A2M: variants seen among roughly 807,000 people sequenced by gnomAD.
A2M encodes alpha-2-macroglobulin, also known as C3 and PZP-like alpha-2-macroglobulin domain-containing protein 5.
A neutral mutation model predicts 183.9 loss-of-function variants in A2M; 128 were observed. That is an observed-to-expected ratio of 0.70 (90% CI 0.60 to 0.81). A2M has a LOEUF of 0.81. A2M is among the 30% of genes least tolerant of loss of function. The probability of loss-of-function intolerance (pLI) is 0.00; values close to 1 mark genes in which losing one functional copy is unlikely to be tolerated. For missense variants in A2M, 1,495 were observed against 1,787.6 expected (o/e 0.84, Z 2.95); for synonymous variants, 592 against 670.8 (o/e 0.88, Z 1.81).
rs59647548 is a variant in A2M at position 9,094,340 on chromosome 12, CATATATATATATATATAT to C, written c.2125+615_2125+632del. 9.5e-4 allele frequency among the ~76,000 whole-genome samples: 92 copies of C among 97,030 alleles called. 2 individuals carry two copies. The highest frequency in any genetic ancestry group is 0.012 in the Middle Eastern group (2 of 166). The allele number at this position is 97,030 out of a possible 152,430, so 63.7% of individuals were successfully genotyped here. On this transcript the variant is annotated intron_variant, in intron 17 of 35. Coordinates refer to ENST00000318602, the MANE Select transcript of A2M (RefSeq NM_000014.6). ...CAGCTCTCTGGAAAAAAAAATTGTGCATATATATATATATATATATATATATATATATATACCTATACA... is the reference window on the plus strand; with the variant it reads ...CAGCTCTCTGGAAAAAAAAATTGTGCATATATATATATATATACCTATACA...
At position 9,072,827 on chromosome 12, in the gene A2M, GGC is replaced by G; in HGVS notation, c.3799_3800del (p.Ala1267HisfsTer86). The G allele has an allele frequency of 6.2e-7, 1 of 1,614,098 alleles. No individual in the cohort carries two copies. The highest frequency in any genetic ancestry group is 8.5e-7 in the Non-Finnish European group (1 of 1,179,974). Reference sequence around the variant, plus strand: ...CAGCCTTCCCAGTCCTGGTAAATGTGGCTGCTCCATATTTGGACAGAGCATGG... The same window carrying G: ...CAGCCTTCCCAGTCCTGGTAAATGTGTGCTCCATATTTGGACAGAGCATGG... ...ALHALSKYGA[A>X]TFTRTGKAAQ... is the part of the protein sequence containing the mutation. On this transcript the variant is annotated frameshift_variant, in exon 30 of 36. Coordinates refer to ENST00000318602, the MANE Select transcript of A2M (RefSeq NM_000014.6). LOFTEE classifies it high-confidence loss of function.
chr12:9,092,321 A>T (rs1451814092), intron 18 of A2M, among the ~76,000 whole-genome samples: 1 of 152,196 alleles, frequency 6.6e-6, no homozygotes, highest in African/African-American at 2.4e-5. Flanking sequence ...CCAGGAGTAG[A>T]TGGAGCTCTG....
intron 17 of A2M, 53 bp downstream of exon 17, chr12:9,094,920 T>C (rs113144850): frequency 9.8e-7 from 1 of 1,017,104 alleles, no homozygotes; most frequent in Non-Finnish European, 1.4e-6. Flanking sequence ...TTTAAAAAAT[T>C]TAAAATTTGG....
Position 9,101,124 on chromosome 12 carries a change from G to C in A2M, c.1558+20C>G, listed in dbSNP as rs74777496. ...TGGGTCAGAATGGGGCAGCAATGCA[G>C]AGATGATGGAAATACTCACTGTCTT... On this transcript the variant is annotated intron_variant, in intron 13 of 35. Coordinates refer to ENST00000318602, the MANE Select transcript of A2M (RefSeq NM_000014.6). 1.1e-4 allele frequency: 174 copies of C among 1,554,572 alleles called. 1 individual carries two copies. The African/African-American group carries it at 2.1e-3, about 19-fold the overall frequency.
chr12:9,104,377 G>T lies in A2M; in HGVS notation c.1128C>A (p.Gly376=). Residue 376 remains glycine (G), a synonymous_variant, in exon 11 of 36, where the codon GGC becomes GGA. Coordinates refer to ENST00000318602, the MANE Select transcript of A2M (RefSeq NM_000014.6). ...ATATGACTTTATTTGGTATAGGGACGCCTTTCCCATCTACTAGGCGCACCT... is the reference window on the plus strand; with the variant it reads ...ATATGACTTTATTTGGTATAGGGACTCCTTTCCCATCTACTAGGCGCACCT... ...FGQVRLVDGK[G]VPIPNKVIFI... 3 of 1,595,328 alleles carry T rather than the reference G, an allele frequency of 1.9e-6. No homozygotes were observed. The highest frequency in any genetic ancestry group is 2.6e-6 in the Non-Finnish European group (3 of 1,169,954).
intron 13 of A2M, among the ~76,000 whole-genome samples, chr12:9,100,901 G>C (rs1303613280): frequency 6.6e-6 from 1 of 152,124 alleles, no homozygotes; most frequent in East Asian, 1.9e-4. Flanking sequence ...GGATTCAGGG[G>C]GAAGGGTGGA....
chr12:9,071,433 T>C (rs11048771), intron 31 of A2M, among the ~76,000 whole-genome samples: 2 of 151,404 alleles, frequency 1.3e-5, no homozygotes, highest in Non-Finnish European at 2.9e-5. Flanking sequence ...ATGAAAAAAA[T>C]ATATATATAT....
At position 9,072,882 on chromosome 12, in the gene A2M, C is replaced by T. The variant is rs1363049860; in HGVS notation, c.3757-11G>A. On this transcript the variant is annotated splice_polypyrimidine_tract_variant and intron_variant, in intron 29 of 35. Coordinates refer to ENST00000318602, the MANE Select transcript of A2M (RefSeq NM_000014.6). Reference sequence around the variant, plus strand: ...AGCCACCACTGTGTCCTGTTAGAGACAGATGAGTGAGAGAACCCATTGGGC... The same window carrying T: ...AGCCACCACTGTGTCCTGTTAGAGATAGATGAGTGAGAGAACCCATTGGGC... 19 of 1,609,232 alleles carry T rather than the reference C, an allele frequency of 1.2e-5. No individual in the cohort carries two copies. The highest frequency in any genetic ancestry group is 1.5e-5 in the Non-Finnish European group (18 of 1,176,500).
chr12:9,110,329 T>C lies in A2M; in HGVS notation c.489A>G (p.Pro163=), dbSNP rs370519915. The change falls in exon 5 of 36, where the codon CCA becomes CCG. Residue 163 remains proline, a synonymous_variant. Transcript: ENST00000318602. The part of the protein sequence containing the change: ...ENFHPLNELI[P]LVYIQDPKGN... ...TGTTGCTTACCTGAATGTATACTAG[T>C]GGAATCTGAAAGACAAAAGAAAAAA... The C allele has an allele frequency of 3.5e-6, 5 of 1,447,314 alleles. No homozygotes were observed. Among genetic ancestry groups the C allele is most frequent in the African/African-American group, 1.4e-5 (1 of 69,726 alleles). The allele number at this position is 1,447,314 out of a possible 1,614,324, so 89.7% of individuals were successfully genotyped here.
chr12:9,106,449 A>G (rs1274386755), intron 9 of A2M, 42 bp downstream of exon 9: 1 of 1,450,108 alleles, frequency 6.9e-7, no homozygotes. Context: ...AAGAAAATCA[A>G]TGCCTGTTGT....
At chr12:9,111,253 A>G (rs1259488185) in intron 4 of A2M, among the ~76,000 whole-genome samples, 1 of 152,210 alleles carries the variant, frequency 6.6e-6, no homozygotes, top group African/African-American at 2.4e-5. Context: ...CAAAAGAACA[A>G]TAAACCATGT....
At chr12:9,105,557 G>T (rs1565600619) in intron 10 of A2M, among the ~76,000 whole-genome samples, 2 of 152,154 alleles carry the variant, frequency 1.3e-5, no homozygotes, top group Admixed American at 1.3e-4. Flanking sequence ...TGAGGCACAT[G>T]TAACTGTGAT....
chr12:9,095,483 A>C, intron 16 of A2M, 56 bp downstream of exon 16: 1 of 1,518,340 alleles, frequency 6.6e-7, no homozygotes, highest in South Asian at 1.2e-5. Context: ...ACTCTTTTCC[A>C]TGTGTAATAT....
At chr12:9,094,913 A>T (rs1270812361) in intron 17 of A2M, 60 bp downstream of exon 17, 2 of 942,824 alleles carry the variant, frequency 2.1e-6, no homozygotes, top group African/African-American at 1.7e-5. Context: ...TGTATCTTTT[A>T]AAAAATTTAA....
At chr12:9,102,573 A>C (rs1306638276) in intron 11 of A2M, among the ~76,000 whole-genome samples, 2 of 152,090 alleles carry the variant, frequency 1.3e-5, no homozygotes, top group Non-Finnish European at 2.9e-5. Flanking sequence ...CAGAGGCCCT[A>C]TTTGGGTTAT....
Position 9,106,231 on chromosome 12 carries a change from T to G in A2M, c.1104+5A>C, listed in dbSNP as rs1938270664. The G allele has an allele frequency of 6.3e-7, 1 of 1,580,424 alleles. No homozygotes were observed. Among genetic ancestry groups the G allele is most frequent in the Non-Finnish European group, 8.7e-7 (1 of 1,149,548 alleles). On this transcript the variant is annotated splice_donor_5th_base_variant and intron_variant, in intron 10 of 35. Coordinates refer to ENST00000318602, the MANE Select transcript of A2M (RefSeq NM_000014.6). ...GGTTGATGAGTGAACTGGAAAATAC[T>G]CCACCTGCCCAAAGAAGGGAATTCC...
At position 9,091,400 on chromosome 12, in the gene A2M, G is replaced by T; in HGVS notation, c.2270C>A (p.Thr757Lys). ...CCACTCGGTGATGGTGTCAGGGACT[G>T]TTACTCCTACCTCAGCCACACCTGC... ...NSAGVAEVGVTVPDTITEWKA... is the reference protein window; with the variant it reads ...NSAGVAEVGVKVPDTITEWKA... The change falls in exon 19 of 36, where the codon ACA becomes AAA. Residue 757 changes from threonine (T) to lysine (K), a missense_variant. Coordinates refer to ENST00000318602, the MANE Select transcript of A2M (RefSeq NM_000014.6). 1 of 1,614,194 alleles carries T rather than the reference G, an allele frequency of 6.2e-7. No homozygotes were observed. The highest frequency in any genetic ancestry group is 8.5e-7 in the Non-Finnish European group (1 of 1,180,030).
intron 17 of A2M, among the ~76,000 whole-genome samples, chr12:9,093,928 A>C (rs987416655): frequency 6.6e-6 from 1 of 152,102 alleles, no homozygotes; most frequent in East Asian, 1.9e-4. Flanking sequence ...ACAAAAAAAA[A>C]CAAGAATAAG....
chr12:9,079,687 G>T lies in A2M; in HGVS notation c.2983C>A (p.Gln995Lys). ...TTGGACTTGATCTCTGGAGTAAGCT[G>T]CTGTGTTTCATTTAGATAATCCAGT... ...YVLDYLNETQ[Q>K]LTPEIKSKAI... The change falls in exon 24 of 36, where the codon CAG becomes AAG. Residue 995 changes from glutamine to lysine, a missense_variant. Transcript: ENST00000318602. 1 of 1,613,700 alleles carries T rather than the reference G, an allele frequency of 6.2e-7. No individual in the cohort carries two copies. The highest frequency in any genetic ancestry group is 2.2e-5 in the East Asian group (1 of 44,870).
Sources: allele counts gnomAD v4.1 joint callset (sites outside exome capture counted in the v4.1 genomes callset), GRCh38; gene constraint gnomAD v4.1.1; transcripts MANE v1.5; gene names NCBI Gene and HGNC (gene_info 2026-07-23, HGNC 2026-07-21).